The following SHTN1 variants were observed in gnomAD, a reference collection of about 807,000 sequenced individuals.
SHTN1 encodes the protein shootin-1.
Under a neutral mutation model 83.1 loss-of-function variants are expected in SHTN1, and 42 were observed. The observed-to-expected ratio is 0.51, with a 90% CI of 0.39 to 0.65. The LOEUF is 0.65. Ranked by LOEUF, SHTN1 falls within the 30% of genes least tolerant of loss-of-function variation. SHTN1 has a pLI of 0.00. For synonymous variants in SHTN1, 224 were observed against 247.7 expected (o/e 0.90, Z 0.90); for missense variants, 622 against 737.8 (o/e 0.84, Z 1.82).
intron 2 of SHTN1, among the ~76,000 whole-genome samples, chr10:117,033,267 A>G (rs890475113): frequency 2.0e-5 from 3 of 152,272 alleles, no homozygotes; most frequent in South Asian, 2.1e-4. Flanking sequence ...TTAAACTTAA[A>G]CCAAATTGAC....
chr10:117,031,875 A>G (rs1852420200), intron 2 of SHTN1, among the ~76,000 whole-genome samples: 1 of 152,156 alleles, frequency 6.6e-6, no homozygotes. Flanking sequence ...AAAACAAATA[A>G]CAAAACGGCA....
At chr10:117,022,068 C>G (rs1056398669) in intron 2 of SHTN1, among the ~76,000 whole-genome samples, 4 of 152,128 alleles carry the variant, frequency 2.6e-5, no homozygotes, top group African/African-American at 9.7e-5. Context: ...TCATTAATTC[C>G]TGCTTGAGTT....
intron 2 of SHTN1, among the ~76,000 whole-genome samples, chr10:117,024,888 G>A (rs1266365392): frequency 6.6e-6 from 1 of 152,122 alleles, no homozygotes; most frequent in Non-Finnish European, 1.5e-5. Context: ...AATATAGATG[G>A]TTATTCACTG....
In SHTN1 at chr10:117,077,249, T is replaced by C. The variant is rs1035954857; in HGVS notation, c.-188-28739A>G. Among the ~76,000 whole-genome samples the C allele has an allele frequency of 3.3e-5, 5 of 152,298 alleles. No individual in the cohort carries two copies. The South Asian group carries it at 8.3e-4, about 25-fold the overall frequency. ...GAGGAGGTATGAAAGGAAGTTTGAT[T>C]CTCACAAGTTTGCATTTTGACTAAA... is the stretch of plus-strand genomic sequence containing the variant. On this transcript the variant is annotated intron_variant, in intron 1 of 17. Transcript: ENST00000392901.
intron 1 of SHTN1, among the ~76,000 whole-genome samples, chr10:116,998,280 A>G (rs1162195646): frequency 6.6e-6 from 1 of 152,202 alleles, no homozygotes; most frequent in African/African-American, 2.4e-5. Context: ...GTCTTTGGAC[A>G]TTGGATGTTC....
At chr10:116,901,211 G>A (rs999876754) in intron 16 of SHTN1, 1 of 985,196 alleles carries the variant, frequency 1.0e-6, no homozygotes. Flanking sequence ...AGATCTGTCT[G>A]AAACACATTC....
chr10:117,005,172 G>C lies in SHTN1; in HGVS notation c.-93C>G. 6.5e-7 allele frequency: 1 copy of C among 1,543,248 alleles called. No individual in the cohort carries two copies. The highest frequency in any genetic ancestry group is 8.7e-7 in the Non-Finnish European group (1 of 1,144,554). The stretch of plus-strand genomic sequence containing the variant: ...AGAAAAAGCAAGATGCCGGTGGCTT[G>C]CGGCTCCACTACCCGGAAGTTGGAT... On this transcript the variant is annotated 5_prime_UTR_variant, in exon 1 of 17. Transcript: ENST00000355371.
Position 116,881,704 on chromosome 10 carries a change from AGTATTAGTAGACC to A in SHTN1, c.*4627_*4639del. ...CACCCCAGGTTCCAGCCACACCATC[AGTATTAGTAGACC>A]GGGAGGTCTGAAGTACGGCGCCGTG... On this transcript the variant is annotated 3_prime_UTR_variant, in exon 17 of 17. Coordinates refer to ENST00000355371, the MANE Select transcript of SHTN1 (RefSeq NM_001127211.3). 7.1e-7 allele frequency: 1 copy of A among 1,405,310 alleles called. No individual in the cohort carries two copies. Among genetic ancestry groups the A allele is most frequent in the Non-Finnish European group, 9.3e-7 (1 of 1,072,534 alleles). 87.1% of individuals were successfully genotyped at this position (1,405,310 alleles called of 1,614,324 possible).
intron 13 of SHTN1, among the ~76,000 whole-genome samples, chr10:116,913,224 A>G (rs1848269082): frequency 6.6e-6 from 1 of 152,248 alleles, no homozygotes; most frequent in Admixed American, 6.5e-5. Context: ...CATGCCACTC[A>G]GGCTGCCCTC....
At chr10:116,960,495 T>G (rs1455859714) in intron 3 of SHTN1, among the ~76,000 whole-genome samples, 4 of 152,220 alleles carry the variant, frequency 2.6e-5, no homozygotes, top group Non-Finnish European at 5.9e-5. Context: ...TATTTAGATT[T>G]TTTTACAAGT....
chr10:117,120,806 ATTTGAT>A (rs1393092676), intron 1 of SHTN1, among the ~76,000 whole-genome samples: 2 of 97,382 alleles, frequency 2.1e-5, no homozygotes, highest in African/African-American at 3.3e-5. Context: ...AAGTACACTG[ATTTGAT>A]TTTTTTTTTT....
chr10:116,969,311 C>T (rs113326085), intron 2 of SHTN1, among the ~76,000 whole-genome samples: 5 of 152,074 alleles, frequency 3.3e-5, no homozygotes, highest in East Asian at 1.9e-4. Flanking sequence ...CGTGGTGGTG[C>T]GCACCTGTAA....
intron 3 of SHTN1, among the ~76,000 whole-genome samples, chr10:116,964,474 T>G (rs886687364): frequency 6.6e-6 from 1 of 152,238 alleles, no homozygotes; most frequent in African/African-American, 2.4e-5. Context: ...ATGTTGCTTC[T>G]AGAGCAAATC....
intron 1 of SHTN1, among the ~76,000 whole-genome samples, chr10:117,073,438 C>A (rs549391462): frequency 7.2e-4 from 110 of 152,226 alleles, no homozygotes; most frequent in African/African-American, 2.4e-3. Context: ...AGAAGCTAAG[C>A]AGATAGATGA....
intron 16 of SHTN1, among the ~76,000 whole-genome samples, chr10:116,892,832 TACTCC>T (rs1174084054): frequency 1.3e-5 from 2 of 152,208 alleles, no homozygotes; most frequent in South Asian, 4.1e-4. Context: ...ACCTCCCCTC[TACTCC>T]ACTATACACA....
At chr10:117,076,766 G>GA (rs1005820148) in intron 1 of SHTN1, among the ~76,000 whole-genome samples, 12 of 152,104 alleles carry the variant, frequency 7.9e-5, no homozygotes, top group African/African-American at 2.9e-4. Flanking sequence ...AAGAGAACCG[G>GA]AAAAAATATG....
chr10:117,096,916 A>T (rs936768731), intron 1 of SHTN1, among the ~76,000 whole-genome samples: 1 of 152,220 alleles, frequency 6.6e-6, no homozygotes, highest in African/African-American at 2.4e-5. Context: ...TCAGGAATTA[A>T]AAAAGAGGAA....
At chr10:117,117,464 C>A (rs1487317442) in intron 1 of SHTN1, among the ~76,000 whole-genome samples, 1 of 152,120 alleles carries the variant, frequency 6.6e-6, no homozygotes, top group Non-Finnish European at 1.5e-5. Flanking sequence ...GACAATACTA[C>A]CCAAAGCAAT....
At chr10:117,073,891 C>T (rs1309095095) in intron 1 of SHTN1, among the ~76,000 whole-genome samples, 1 of 152,102 alleles carries the variant, frequency 6.6e-6, no homozygotes, top group Non-Finnish European at 1.5e-5. Context: ...TAGGCACTGT[C>T]CCCCTCCAGA....
Sources: allele counts gnomAD v4.1 joint callset (sites outside exome capture counted in the v4.1 genomes callset), GRCh38; gene constraint gnomAD v4.1.1; transcripts MANE v1.5; gene names NCBI Gene and HGNC (gene_info 2026-07-23, HGNC 2026-07-21).